Variants in ERC2 observed in about 807,000 individuals in gnomAD.
ERC2 encodes ERC protein 2.
ERC2 carries 42 observed loss-of-function variants against 114.8 expected under a neutral mutation model. The ratio of observed to expected loss-of-function variants is 0.37; its 90% CI spans 0.29 to 0.47. The LOEUF (loss-of-function observed/expected upper bound fraction) is 0.47. ERC2 is among the 20% of genes least tolerant of loss of function. The pLI is 0.99. For synonymous variants in ERC2, 454 were observed against 425.5 expected, an observed-to-expected ratio of 1.07 and a Z score of -0.82; for missense variants, 939 against 1,150.7, an observed-to-expected ratio of 0.82 and a Z score of 2.66.
intron 13 of ERC2, among the ~76,000 whole-genome samples, chr3:55,919,919 A>G (rs2065319710): frequency 6.6e-6 from 1 of 152,216 alleles, no homozygotes; most frequent in Non-Finnish European, 1.5e-5. Context: ...AATTGGCCTA[A>G]TAAGTGAAGT....
chr3:56,155,723 A>G (rs892781789), intron 4 of ERC2, among the ~76,000 whole-genome samples: 46 of 152,172 alleles, frequency 3.0e-4, no homozygotes, highest in African/African-American at 1.0e-3. Context: ...AAATAATATT[A>G]TCACAGAGAA....
chr3:55,806,795 C>G (rs779003462), intron 14 of ERC2, among the ~76,000 whole-genome samples: 3 of 152,190 alleles, frequency 2.0e-5, no homozygotes, highest in Non-Finnish European at 2.9e-5. Flanking sequence ...GGTCCCAGCT[C>G]TACCCCTAAG....
At chr3:55,826,322 C>A (rs181667019) in intron 14 of ERC2, among the ~76,000 whole-genome samples, 22 of 152,266 alleles carry the variant, frequency 1.4e-4, no homozygotes, top group African/African-American at 5.3e-4. Flanking sequence ...GAAGCCACTA[C>A]AGAACAGTCA....
At chr3:56,464,434 C>T (rs2063450775) in intron 1 of ERC2, among the ~76,000 whole-genome samples, 1 of 152,218 alleles carries the variant, frequency 6.6e-6, no homozygotes, top group Non-Finnish European at 1.5e-5. Context: ...CCCCAAGGAG[C>T]CCAACCTATA....
intron 14 of ERC2, among the ~76,000 whole-genome samples, chr3:55,809,201 A>G (rs1642241684): frequency 6.6e-6 from 1 of 152,182 alleles, no homozygotes; most frequent in Admixed American, 6.5e-5. Context: ...GATATATAAT[A>G]TATGTACAGT....
At chr3:56,354,501 A>G (rs1046433267) in intron 2 of ERC2, among the ~76,000 whole-genome samples, 7 of 152,152 alleles carry the variant, frequency 4.6e-5, no homozygotes, top group African/African-American at 1.7e-4. Flanking sequence ...ACCTCTTACA[A>G]TGCACAGGGC....
At chr3:56,376,695 G>A (rs575283810) in intron 2 of ERC2, among the ~76,000 whole-genome samples, 47 of 151,900 alleles carry the variant, frequency 3.1e-4, no homozygotes, top group African/African-American at 9.2e-4. Context: ...TCCGGGAGGC[G>A]GAGGTTGCAG....
intron 17 of ERC2, among the ~76,000 whole-genome samples, chr3:55,677,770 C>T (rs2148759463): frequency 6.6e-6 from 1 of 152,230 alleles, no homozygotes; most frequent in African/African-American, 2.4e-5. Context: ...TAAATAAATA[C>T]TCTCTTTGTG....
intron 17 of ERC2, among the ~76,000 whole-genome samples, chr3:55,529,632 C>T (rs1472674923): frequency 6.6e-6 from 1 of 152,156 alleles, no homozygotes; most frequent in East Asian, 1.9e-4. Flanking sequence ...TCGCATTACC[C>T]TTGGACTGAC....
At chr3:56,352,551 G>A (rs1357375145) in intron 2 of ERC2, among the ~76,000 whole-genome samples, 1 of 152,166 alleles carries the variant, frequency 6.6e-6, no homozygotes, top group Non-Finnish European at 1.5e-5. Context: ...GTGTCTCTGT[G>A]TTGCACCCAC....
chr3:55,625,362 G>C (rs1277399507), intron 17 of ERC2, among the ~76,000 whole-genome samples: 2 of 95,030 alleles, frequency 2.1e-5, no homozygotes, highest in Non-Finnish European at 4.0e-5. Context: ...GTGAGACTCC[G>C]ACTCAAAAAA....
intron 17 of ERC2, among the ~76,000 whole-genome samples, chr3:55,641,549 C>CAAAAAAAAAAAAAAAAAAAA (rs57407975): frequency 3.5e-5 from 1 of 28,346 alleles, no homozygotes; most frequent in African/African-American, 1.5e-4. Context: ...GATTCTATCT[C>CAAAAAAAAAAAAAAAAAAAA]AAAAAAAAAA....
chr3:56,326,505 G>GT (rs2057368611), intron 2 of ERC2, among the ~76,000 whole-genome samples: 1 of 152,188 alleles, frequency 6.6e-6, no homozygotes, highest in Admixed American at 6.5e-5. Flanking sequence ...ATGTCCAACA[G>GT]AACCCTCTCT....
intron 4 of ERC2, among the ~76,000 whole-genome samples, chr3:56,166,455 T>G (rs1348776342): frequency 6.6e-6 from 1 of 152,112 alleles, no homozygotes. Context: ...CATTTCCTCT[T>G]CAAACATTTG....
At chr3:55,968,402 A>G (rs912869201) in intron 12 of ERC2, among the ~76,000 whole-genome samples, 2 of 152,240 alleles carry the variant, frequency 1.3e-5, no homozygotes, top group African/African-American at 4.8e-5. Context: ...AGAAATCTCT[A>G]TGAACTGAAG....
intron 7 of ERC2, among the ~76,000 whole-genome samples, chr3:56,058,966 G>A (rs1038823190): frequency 2.6e-5 from 4 of 152,074 alleles, no homozygotes; most frequent in Admixed American, 1.3e-4. Flanking sequence ...TTGGTCCAGG[G>A]CCCTTACCCA....
At chr3:56,287,764 A>C (rs980915251) in intron 3 of ERC2, among the ~76,000 whole-genome samples, 1 of 152,246 alleles carries the variant, frequency 6.6e-6, no homozygotes. Context: ...TTTGAATGCC[A>C]GATCCATCCA....
At chr3:55,832,369 G>A (rs1249894598) in intron 14 of ERC2, among the ~76,000 whole-genome samples, 1 of 152,228 alleles carries the variant, frequency 6.6e-6, no homozygotes, top group Non-Finnish European at 1.5e-5. Flanking sequence ...AGTAGGGGCA[G>A]ACTGACACTT....
At chr3:56,050,700 C>T (rs2075723205) in intron 7 of ERC2, among the ~76,000 whole-genome samples, 1 of 152,182 alleles carries the variant, frequency 6.6e-6, no homozygotes, top group Non-Finnish European at 1.5e-5. Context: ...ACTGCTTCAT[C>T]ATACTCCCTG....
Sources: allele counts gnomAD v4.1 joint callset (sites outside exome capture counted in the v4.1 genomes callset), GRCh38; gene constraint gnomAD v4.1.1; transcripts MANE v1.5; gene names NCBI Gene and HGNC (gene_info 2026-07-23, HGNC 2026-07-21).